Variants in THRB observed in about 807,000 individuals in gnomAD.
The protein encoded by THRB is thyroid hormone receptor beta, also known as nuclear receptor subfamily 1 group A member 2.
A neutral mutation model predicts 47.8 loss-of-function variants in THRB; 12 were observed. That is an observed-to-expected ratio of 0.25 (90% CI 0.16 to 0.41). The LOEUF is 0.41. Among genes scored for constraint, THRB ranks in the 10% least tolerant of loss-of-function variants. The pLI is 1.00. For missense variants in THRB, 348 were observed against 589.2 expected (o/e 0.59, Z 4.24); for synonymous variants, 218 against 212.2 (o/e 1.03, Z -0.24).
At chr3:24,306,479 G>A (rs2057344945) in intron 2 of THRB, among the ~76,000 whole-genome samples, 1 of 152,192 alleles carries the variant, frequency 6.6e-6, no homozygotes, top group African/African-American at 2.4e-5. Context: ...AATTATAAAT[G>A]GGCTGGGGAA....
At chr3:24,318,445 G>A (rs1162262389) in intron 2 of THRB, 1 of 152,256 alleles carries the variant, frequency 6.6e-6, no homozygotes, top group African/African-American at 2.4e-5. Context: ...TTCCTGGGAA[G>A]ACTTTTTCTT....
At chr3:24,456,263 AG>A (rs927288613) in intron 1 of THRB, among the ~76,000 whole-genome samples, 1 of 151,796 alleles carries the variant, frequency 6.6e-6, no homozygotes, top group African/African-American at 2.4e-5. Flanking sequence ...TGACCCCAGG[AG>A]GTGGAGGCTG....
Position 24,467,637 on chromosome 3 carries a change from C to T in THRB, c.-261+27015G>A, listed in dbSNP as rs77069159. Among the ~76,000 whole-genome samples, 695 of 152,274 alleles carry T rather than the reference C, an allele frequency of 4.6e-3. 8 individuals are homozygous for T. Among genetic ancestry groups the T allele is most frequent in the East Asian group, 0.018 (93 of 5,178 alleles). On this transcript the variant is annotated intron_variant, in intron 1 of 10. Coordinates refer to ENST00000646209, the MANE Select transcript of THRB (RefSeq NM_001354712.2). ...ATCACAGCTCTTAGGTGACTAGATG[C>T]ATTGTCAGTGAGGAGTCATATTTTG...
intron 1 of THRB, among the ~76,000 whole-genome samples, chr3:24,450,055 G>T (rs1276339874): frequency 6.6e-6 from 1 of 151,968 alleles, no homozygotes; most frequent in Non-Finnish European, 1.5e-5. Context: ...TAAACAGAGG[G>T]AAGAAGGGAG....
At chr3:24,359,485 C>A (rs1328438014) in intron 1 of THRB, among the ~76,000 whole-genome samples, 1 of 152,116 alleles carries the variant, frequency 6.6e-6, no homozygotes, top group Non-Finnish European at 1.5e-5. Flanking sequence ...AGTGAAGTCA[C>A]AAGCCTGCCC....
chr3:24,144,643 T>A (rs1474926764), intron 7 of THRB: 1 of 152,168 alleles, frequency 6.6e-6, no homozygotes, highest in East Asian at 1.9e-4. Flanking sequence ...CTAGACTTGG[T>A]AACTATCAAT....
intron 8 of THRB, among the ~76,000 whole-genome samples, chr3:24,138,069 C>T (rs2034920922): frequency 6.6e-6 from 1 of 152,036 alleles, no homozygotes; most frequent in African/African-American, 2.4e-5. Context: ...TGGTCTTATG[C>T]AAATCGTGGC....
chr3:24,226,685 G>A (rs1407384899), intron 4 of THRB, among the ~76,000 whole-genome samples: 1 of 152,148 alleles, frequency 6.6e-6, no homozygotes, highest in Non-Finnish European at 1.5e-5. Flanking sequence ...ACTCAGACCT[G>A]GGGGCTCTGC....
chr3:24,248,085 G>A (rs2050285801), intron 3 of THRB, among the ~76,000 whole-genome samples: 1 of 152,058 alleles, frequency 6.6e-6, no homozygotes, highest in African/African-American at 2.4e-5. Context: ...TTCAGTAAAG[G>A]TTACATGGTT....
intron 4 of THRB, among the ~76,000 whole-genome samples, chr3:24,202,480 T>A (rs529548352): frequency 6.6e-6 from 1 of 152,258 alleles, no homozygotes; most frequent in South Asian, 2.1e-4. Flanking sequence ...TGATGATGAT[T>A]TTTAAAAAGG....
At chr3:24,195,495 G>A (rs569408465) in intron 4 of THRB, among the ~76,000 whole-genome samples, 2 of 152,230 alleles carry the variant, frequency 1.3e-5, no homozygotes, top group South Asian at 2.1e-4. Flanking sequence ...TTCATAACAA[G>A]TCTCCTTGCT....
At chr3:24,275,258 T>C (rs2053790330) in intron 3 of THRB, among the ~76,000 whole-genome samples, 1 of 152,144 alleles carries the variant, frequency 6.6e-6, no homozygotes, top group Non-Finnish European at 1.5e-5. Context: ...TAAATAAAAG[T>C]TTTAAAAAAA....
At chr3:24,143,447 G>A in intron 8 of THRB, 54 bp downstream of exon 8, 10 of 1,537,962 alleles carry the variant, frequency 6.5e-6, no homozygotes, top group Non-Finnish European at 9.0e-6. Flanking sequence ...TGAATAAATT[G>A]AGGTAGAAAA....
intron 1 of THRB, among the ~76,000 whole-genome samples, chr3:24,466,121 A>C (rs1027803691): frequency 3.3e-5 from 5 of 152,142 alleles, no homozygotes; most frequent in Non-Finnish European, 5.9e-5. Flanking sequence ...CCCAACATAC[A>C]TGTGCAGCCT....
rs576679045 is a variant in THRB at position 24,462,457 on chromosome 3, G to A, written c.-261+32195C>T. Among the ~76,000 whole-genome samples, 157 of 152,228 alleles carry A rather than the reference G, an allele frequency of 1.0e-3. 1 individual carries two copies. The highest frequency in any genetic ancestry group is 2.6e-3 in the African/African-American group (106 of 41,538). Reference sequence around the variant, plus strand: ...AAATTAAGTTGGTTCTATTACTCACGGCATTTCAGGAGTAACGTATTGCCG... The same window carrying A: ...AAATTAAGTTGGTTCTATTACTCACAGCATTTCAGGAGTAACGTATTGCCG... On this transcript the variant is annotated intron_variant, in intron 1 of 10. Coordinates refer to ENST00000646209, the MANE Select transcript of THRB (RefSeq NM_001354712.2).
intron 4 of THRB, among the ~76,000 whole-genome samples, chr3:24,206,611 A>C (rs2045384044): frequency 6.6e-6 from 1 of 152,240 alleles, no homozygotes; most frequent in African/African-American, 2.4e-5. Flanking sequence ...GCAAGAGCAG[A>C]CACATTGAAA....
Position 24,457,739 on chromosome 3 carries a change from T to A in THRB, c.-261+36913A>T, listed in dbSNP as rs79218586. 9.9e-3 allele frequency among the ~76,000 whole-genome samples: 1,501 copies of A among 152,292 alleles called. 28 individuals carry two copies. The highest frequency in any genetic ancestry group is 0.033 in the African/African-American group (1,357 of 41,554). On this transcript the variant is annotated intron_variant, in intron 1 of 10. Transcript: ENST00000646209. ...TCAATATGTCATCAAATAATCCATT[T>A]AAGCAGCAGATTACCAGGCAAAACC...
chr3:24,313,034 T>C (rs888017097), intron 2 of THRB, among the ~76,000 whole-genome samples: 4 of 152,138 alleles, frequency 2.6e-5, no homozygotes, highest in Non-Finnish European at 5.9e-5. Flanking sequence ...AGGTAGGAGT[T>C]GCTGAGAGTT....
chr3:24,440,427 G>C (rs2071416058), intron 1 of THRB, among the ~76,000 whole-genome samples: 1 of 152,106 alleles, frequency 6.6e-6, no homozygotes, highest in Non-Finnish European at 1.5e-5. Context: ...CATGCACACA[G>C]TTTGATTCAT....
Sources: gnomAD v4.1 joint callset for allele counts (sites outside exome capture counted in the v4.1 genomes callset) on GRCh38, gnomAD v4.1.1 for gene constraint, MANE v1.5 for transcripts, NCBI Gene and HGNC (gene_info 2026-07-23, HGNC 2026-07-21) for gene names.